Variants in CDH12 observed in about 807,000 individuals in gnomAD.
CDH12 encodes the protein cadherin-12.
CDH12 carries 41 observed loss-of-function variants against 74.1 expected under a neutral mutation model. The observed-to-expected ratio is 0.55, with a 90% CI of 0.43 to 0.72. The LOEUF is 0.72. CDH12 is among the 30% of genes least tolerant of loss of function. The probability of loss-of-function intolerance (pLI) is 0.00; values close to 1 mark genes in which losing one functional copy is unlikely to be tolerated. For missense variants in CDH12, 945 were observed against 977.2 expected, an observed-to-expected ratio of 0.97 and a Z score of 0.44; for synonymous variants, 399 against 355.0, an observed-to-expected ratio of 1.12 and a Z score of -1.39.
intron 4 of CDH12, among the ~76,000 whole-genome samples, chr5:22,186,896 CACTAAATAAATAAGAA>C (rs1370512175): frequency 3.3e-5 from 5 of 152,086 alleles, no homozygotes; most frequent in Non-Finnish European, 7.4e-5. Flanking sequence ...CTCGTAAAAG[CACTAAATAAATAAGAA>C]ATATTAATGA....
At chr5:21,859,521 T>C (rs2150006212) in intron 6 of CDH12, among the ~76,000 whole-genome samples, 1 of 152,000 alleles carries the variant, frequency 6.6e-6, no homozygotes, top group Non-Finnish European at 1.5e-5. Context: ...TATGGTACCA[T>C]TTCTCGCATA....
At chr5:22,358,062 A>G (rs777348941) in intron 3 of CDH12, among the ~76,000 whole-genome samples, 8 of 152,176 alleles carry the variant, frequency 5.3e-5, no homozygotes, top group Non-Finnish European at 1.2e-4. Flanking sequence ...AACATTAAAT[A>G]GTTTTCTCTG....
At chr5:22,486,023 A>G (rs2126632225) in intron 2 of CDH12, among the ~76,000 whole-genome samples, 1 of 152,298 alleles carries the variant, frequency 6.6e-6, no homozygotes, top group East Asian at 1.9e-4. Context: ...AGCAGGACCA[A>G]CGCAGCTGGA....
At chr5:22,400,935 T>A (rs990279210) in intron 3 of CDH12, among the ~76,000 whole-genome samples, 5 of 152,154 alleles carry the variant, frequency 3.3e-5, no homozygotes, top group Admixed American at 3.3e-4. Context: ...CTACGTAAGA[T>A]GATTGATATA....
intron 5 of CDH12, among the ~76,000 whole-genome samples, chr5:22,040,681 G>T (rs1350899948): frequency 2.0e-5 from 3 of 152,124 alleles, no homozygotes; most frequent in Non-Finnish European, 4.4e-5. Flanking sequence ...ATAAAAACAT[G>T]CGTGTCAAGA....
chr5:22,800,544 G>A (rs1389695400), intron 1 of CDH12, among the ~76,000 whole-genome samples: 1 of 152,094 alleles, frequency 6.6e-6, no homozygotes, highest in Non-Finnish European at 1.5e-5. Context: ...TTGATGAACT[G>A]CATTGACACA....
In CDH12 at chr5:21,977,351, A is replaced by G. The variant is rs1263092950; in HGVS notation, c.232-1966T>C. 2.6e-5 allele frequency among the ~76,000 whole-genome samples: 4 copies of G among 152,116 alleles called. No individual in the cohort carries two copies. The East Asian group carries it at 7.7e-4, about 29-fold the overall frequency. On this transcript the variant is annotated intron_variant, in intron 5 of 14. Transcript: ENST00000382254. The stretch of plus-strand genomic sequence containing the variant: ...AATGTTCTTTGAACTTATGAATTTC[A>G]AATTATAAATTTCAACCATGCTATT...
chr5:21,778,536 T>TG (rs990577603), intron 11 of CDH12, among the ~76,000 whole-genome samples: 5 of 146,344 alleles, frequency 3.4e-5, no homozygotes, highest in African/African-American at 1.3e-4. Flanking sequence ...TTTTTTTTTT[T>TG]GTTTAAATTC....
Position 22,771,771 on chromosome 5 carries a change from G to T in CDH12, c.-523+81287C>A, listed in dbSNP as rs550704767. ...CTATGTCCTTATCAGAGAATGACCA[G>T]TTTCTTTACAGCCTACGGACTCAAG... On this transcript the variant is annotated intron_variant, in intron 1 of 14. Transcript: ENST00000382254. 3.3e-5 allele frequency among the ~76,000 whole-genome samples: 5 copies of T among 152,146 alleles called. 1 individual carries two copies. The South Asian group carries it at 8.3e-4, about 25-fold the overall frequency.
At chr5:22,829,933 C>T (rs948203944) in intron 1 of CDH12, among the ~76,000 whole-genome samples, 8 of 152,258 alleles carry the variant, frequency 5.3e-5, no homozygotes, top group Admixed American at 3.9e-4. Context: ...AAAACCACAG[C>T]TTTTTAACGT....
intron 4 of CDH12, among the ~76,000 whole-genome samples, chr5:22,112,680 A>G (rs1024813843): frequency 1.3e-5 from 2 of 152,184 alleles, no homozygotes; most frequent in Admixed American, 6.5e-5. Context: ...CTGAATCAAT[A>G]TATTTATCAA....
At chr5:22,582,477 G>A (rs1015346438) in intron 1 of CDH12, among the ~76,000 whole-genome samples, 3 of 152,144 alleles carry the variant, frequency 2.0e-5, no homozygotes, top group African/African-American at 7.2e-5. Flanking sequence ...GTGAGTGTAT[G>A]AGTAATTTCA....
intron 6 of CDH12, among the ~76,000 whole-genome samples, chr5:21,941,275 A>G (rs536633439): frequency 4.6e-5 from 7 of 152,322 alleles, no homozygotes; most frequent in African/African-American, 1.7e-4. Context: ...TAACCTAACT[A>G]TCTAAACATC....
At chr5:22,100,463 C>G (rs1475260867) in intron 4 of CDH12, among the ~76,000 whole-genome samples, 1 of 152,088 alleles carries the variant, frequency 6.6e-6, no homozygotes, top group Admixed American at 6.6e-5. Context: ...CTGGCAAAAA[C>G]AAGATCACAC....
chr5:22,329,050 G>A (rs1487826084), intron 3 of CDH12, among the ~76,000 whole-genome samples: 2 of 152,020 alleles, frequency 1.3e-5, no homozygotes, highest in Non-Finnish European at 2.9e-5. Context: ...AAAGAAAGAA[G>A]GATCTCAACA....
At chr5:22,162,663 G>C (rs751084956) in intron 4 of CDH12, among the ~76,000 whole-genome samples, 57 of 152,140 alleles carry the variant, frequency 3.7e-4, no homozygotes, top group Non-Finnish European at 6.2e-4. Context: ...CATATATTAA[G>C]TTTATTTGTA....
At chr5:21,870,459 C>T (rs779633197) in intron 6 of CDH12, among the ~76,000 whole-genome samples, 23 of 152,114 alleles carry the variant, frequency 1.5e-4, no homozygotes, top group Non-Finnish European at 2.6e-4. Context: ...GCTGTTTCAC[C>T]TTCCACCATA....
At chr5:22,331,135 T>C (rs1277003558) in intron 3 of CDH12, among the ~76,000 whole-genome samples, 1 of 152,184 alleles carries the variant, frequency 6.6e-6, no homozygotes, top group East Asian at 1.9e-4. Context: ...TTAGCCCCAG[T>C]AAAATAGAAT....
intron 2 of CDH12, among the ~76,000 whole-genome samples, chr5:22,425,839 T>C (rs1396885094): frequency 6.6e-6 from 1 of 152,168 alleles, no homozygotes; most frequent in Non-Finnish European, 1.5e-5. Flanking sequence ...CTAAGTATGC[T>C]GTAGAAGTTC....
Sources: allele counts gnomAD v4.1 joint callset (sites outside exome capture counted in the v4.1 genomes callset), GRCh38; gene constraint gnomAD v4.1.1; transcripts MANE v1.5; gene names NCBI Gene and HGNC (gene_info 2026-07-23, HGNC 2026-07-21).